The following NRIP1 variants were observed in gnomAD, a reference collection of about 807,000 sequenced individuals.
NRIP1 encodes the protein nuclear receptor-interacting protein 1.
Under a neutral mutation model 75.0 loss-of-function variants are expected in NRIP1, and 28 were observed. The observed-to-expected ratio is 0.37, with a 90% CI of 0.28 to 0.51. The LOEUF (loss-of-function observed/expected upper bound fraction) is 0.51, where lower values mean the gene tolerates loss of function less well. NRIP1 is among the 20% of genes least tolerant of loss of function. The probability of loss-of-function intolerance (pLI) is 0.92; values close to 1 mark genes in which losing one functional copy is unlikely to be tolerated. For synonymous variants in NRIP1, 526 were observed against 487.6 expected (o/e 1.08, Z -1.04); for missense variants, 1,435 against 1,343.7 (o/e 1.07, Z -1.06).
chr21:15,039,170 A>G (rs935218552), intron 2 of NRIP1, among the ~76,000 whole-genome samples: 2 of 152,140 alleles, frequency 1.3e-5, no homozygotes, highest in African/African-American at 4.8e-5. Flanking sequence ...GCTTTTAAGC[A>G]GAGAAATGAT....
Position 14,964,939 on chromosome 21 carries a change from T to C in NRIP1, c.3254A>G (p.Gln1085Arg), listed in dbSNP as rs1346933247. Residue 1085 changes from glutamine to arginine, a missense_variant, in exon 4 of 4, where the codon CAA becomes CGA. Coordinates refer to ENST00000318948, the MANE Select transcript of NRIP1 (RefSeq NM_003489.4). ...AGCCTCCCTCCAAATGTCCTTGTCT[T>C]GTGTTTCTCGACTGGTAACAGAATT... ...GGNSVTSRET[Q>R]DKDIWREASS... The C allele has an allele frequency of 6.2e-7, 1 of 1,613,906 alleles. No homozygotes were observed.
At chr21:15,023,911 T>C (rs144986738) in intron 2 of NRIP1, among the ~76,000 whole-genome samples, 296 of 152,346 alleles carry the variant, frequency 1.9e-3, no homozygotes, top group African/African-American at 6.4e-3. Flanking sequence ...AGTTACACTT[T>C]AGATCTCCAG....
intron 3 of NRIP1, among the ~76,000 whole-genome samples, chr21:14,975,028 C>T (rs1033985371): frequency 7.9e-5 from 12 of 151,988 alleles, no homozygotes; most frequent in African/African-American, 2.9e-4. Context: ...GGGAGGATCA[C>T]CTGAGTCTGG....
At chr21:15,022,798 A>G (rs2088410327) in intron 2 of NRIP1, among the ~76,000 whole-genome samples, 1 of 152,192 alleles carries the variant, frequency 6.6e-6, no homozygotes, top group South Asian at 2.1e-4. Flanking sequence ...CAGGAATTCC[A>G]TTCCTGTGTA....
chr21:14,990,703 G>C (rs1234296764), intron 3 of NRIP1, among the ~76,000 whole-genome samples: 1 of 152,150 alleles, frequency 6.6e-6, no homozygotes, highest in East Asian at 1.9e-4. Flanking sequence ...GCAAAGACTG[G>C]GTGGATGGTT....
intron 2 of NRIP1, among the ~76,000 whole-genome samples, chr21:15,022,969 T>C (rs2088415209): frequency 6.6e-6 from 1 of 152,104 alleles, no homozygotes; most frequent in Non-Finnish European, 1.5e-5. Flanking sequence ...AAGAAGCCAA[T>C]CACTAAAAAT....
intron 2 of NRIP1, among the ~76,000 whole-genome samples, chr21:15,040,749 A>C (rs1405653002): frequency 6.6e-6 from 1 of 152,148 alleles, no homozygotes; most frequent in East Asian, 1.9e-4. Flanking sequence ...TTTGTGAGCC[A>C]AATACATATT....
In NRIP1 at chr21:14,964,799, T is replaced by G; in HGVS notation, c.3394A>C (p.Asn1132His). ...TTTGCGCTGTGTGGGCGAGAAGCAT[T>G]ATTTCCCATATGGCTATTGTAAGGG... is the stretch of plus-strand genomic sequence containing the variant. Reference protein sequence around the residue: ...RSPYNSHMGNNASRPHSANGE... With the variant: ...RSPYNSHMGNHASRPHSANGE... Residue 1132 changes from asparagine to histidine, a missense_variant, in exon 4 of 4, where the codon AAT becomes CAT. Asn to His is a moderately conservative substitution (Grantham distance 68). Coordinates refer to ENST00000318948, the MANE Select transcript of NRIP1 (RefSeq NM_003489.4). The G allele has an allele frequency of 1.9e-6, 3 of 1,611,072 alleles. No homozygotes were observed. Among genetic ancestry groups the G allele is most frequent in the Middle Eastern group, 1.7e-4 (1 of 6,020 alleles).
chr21:14,966,834 T>C lies in NRIP1; in HGVS notation c.1359A>G (p.Glu453=). The C allele has an allele frequency of 6.2e-7, 1 of 1,614,146 alleles. No individual in the cohort carries two copies. The highest frequency in any genetic ancestry group is 8.5e-7 in the Non-Finnish European group (1 of 1,180,004). ...TATCCAGGGAAACAGGTTGGTCAGA[T>C]TCTGATTTTTCAGTTCGGTGTTTGC... ...LSCKHRTEKS[E]SDQPVSLDNF... is the part of the protein sequence containing the mutation. Residue 453 remains glutamate (E), a synonymous_variant, in exon 4 of 4, where the codon GAA becomes GAG. Transcript: ENST00000318948.
At chr21:15,003,343 C>T (rs1397846275) in intron 3 of NRIP1, among the ~76,000 whole-genome samples, 2 of 152,134 alleles carry the variant, frequency 1.3e-5, no homozygotes, top group Non-Finnish European at 2.9e-5. Flanking sequence ...ACTGCTTTAA[C>T]ACTGCTAAAA....
chr21:15,048,612 A>G (rs2089138196), intron 1 of NRIP1, among the ~76,000 whole-genome samples: 1 of 152,246 alleles, frequency 6.6e-6, no homozygotes. Context: ...CTTTTTTAGG[A>G]GCTAAATAAA....
At chr21:14,996,482 G>A (rs1037859966) in intron 3 of NRIP1, among the ~76,000 whole-genome samples, 1 of 152,008 alleles carries the variant, frequency 6.6e-6, no homozygotes, top group Non-Finnish European at 1.5e-5. Flanking sequence ...AATATCACCC[G>A]CTAAGATACG....
rs768192736 is a variant in NRIP1, at chr21:14,964,709, G to T, written c.*7C>A. 1 of 1,519,560 alleles carries T rather than the reference G, an allele frequency of 6.6e-7. No homozygotes were observed. Among genetic ancestry groups the T allele is most frequent in the South Asian group, 1.4e-5 (1 of 73,940 alleles). 94.1% of individuals were successfully genotyped at this position (1,519,560 alleles called of 1,614,324 possible). ...AAAAAGATCCAAAACTGGATGGCAG[G>T]TACATTTTATTCTGATTCTTTCTTT... On this transcript the variant is annotated 3_prime_UTR_variant, in exon 4 of 4. Coordinates refer to ENST00000318948, the MANE Select transcript of NRIP1 (RefSeq NM_003489.4).
At chr21:15,008,210 A>AG in intron 3 of NRIP1, among the ~76,000 whole-genome samples, 1 of 152,334 alleles carries the variant, frequency 6.6e-6, no homozygotes, top group East Asian at 1.9e-4. Context: ...GCCAGAGAGC[A>AG]GACTGTACTC....
intron 3 of NRIP1, among the ~76,000 whole-genome samples, chr21:15,003,232 T>C (rs374319679): frequency 8.5e-4 from 129 of 152,244 alleles, no homozygotes; most frequent in African/African-American, 3.0e-3. Context: ...TATTGATAGT[T>C]AAGGGGCTGC....
At chr21:14,970,385 A>C (rs1423879984) in intron 3 of NRIP1, among the ~76,000 whole-genome samples, 1 of 152,114 alleles carries the variant, frequency 6.6e-6, no homozygotes, top group African/African-American at 2.4e-5. Flanking sequence ...ATCTCTAGTA[A>C]AAATACAAAA....
chr21:15,021,757 A>C (rs555265740), intron 2 of NRIP1, among the ~76,000 whole-genome samples: 4 of 152,224 alleles, frequency 2.6e-5, no homozygotes, highest in Non-Finnish European at 5.9e-5. Flanking sequence ...TCTAAAAAGA[A>C]GACATTCGTG....
At chr21:15,038,008 A>G (rs530708477) in intron 2 of NRIP1, among the ~76,000 whole-genome samples, 47 of 152,254 alleles carry the variant, frequency 3.1e-4, no homozygotes, top group African/African-American at 1.1e-3. Flanking sequence ...CAAAGAAACC[A>G]AAACTCATAA....
chr21:15,005,873 T>G (rs1278184785), intron 3 of NRIP1, among the ~76,000 whole-genome samples: 1 of 152,230 alleles, frequency 6.6e-6, no homozygotes, highest in South Asian at 2.1e-4. Context: ...ATTGTGCTTA[T>G]TAAAGAATTC....
Sources: allele counts gnomAD v4.1 joint callset (sites outside exome capture counted in the v4.1 genomes callset), GRCh38; gene constraint gnomAD v4.1.1; transcripts MANE v1.5; gene names NCBI Gene and HGNC (gene_info 2026-07-23, HGNC 2026-07-21).